The following DLC1 variants were observed in gnomAD, a reference collection of about 807,000 sequenced individuals.
The protein encoded by DLC1 is rho GTPase-activating protein 7.
Under a neutral mutation model 140.3 loss-of-function variants are expected in DLC1, and 54 were observed. The observed-to-expected ratio is 0.38, with a 90% CI of 0.31 to 0.48. DLC1 has a LOEUF of 0.48. Ranked by LOEUF, DLC1 falls within the 20% of genes least tolerant of loss-of-function variation. The pLI is 0.96. For synonymous variants in DLC1, 986 were observed against 728.1 expected, an observed-to-expected ratio of 1.35 and a Z score of -5.70; for missense variants, 2,536 against 1,907.0, an observed-to-expected ratio of 1.33 and a Z score of -6.14.
chr8:13,316,810 GCA>G (rs1435490366), intron 4 of DLC1, among the ~76,000 whole-genome samples: 1 of 152,150 alleles, frequency 6.6e-6, no homozygotes, highest in East Asian at 1.9e-4. Flanking sequence ...CCAACTGACT[GCA>G]GTATCCCTTG....
At chr8:13,502,293 C>G (rs761578232) in intron 1 of DLC1, among the ~76,000 whole-genome samples, 6 of 152,144 alleles carry the variant, frequency 3.9e-5, no homozygotes, top group Non-Finnish European at 7.4e-5. Flanking sequence ...ATTAACTCTT[C>G]TTGCTTTCAT....
rs142614877 is a variant in DLC1 at position 13,514,807 on chromosome 8, C to A, written c.-331G>T. ...GAGGGAGCCTTAGCTAAGGCAGGATCCTGTCAAGGCATTCCTAGTGACTTC... is the reference window on the plus strand; with the variant it reads ...GAGGGAGCCTTAGCTAAGGCAGGATACTGTCAAGGCATTCCTAGTGACTTC... On this transcript the variant is annotated 5_prime_UTR_variant, in exon 1 of 18. Coordinates refer to ENST00000276297, the MANE Select transcript of DLC1 (RefSeq NM_182643.3). 4.0e-4 allele frequency: 158 copies of A among 395,544 alleles called. No individual in the cohort carries two copies. The highest frequency in any genetic ancestry group is 3.0e-3 in the African/African-American group (146 of 48,702). 24.5% of individuals were successfully genotyped at this position (395,544 alleles called of 1,614,324 possible).
chr8:13,603,801 TC>T (rs1191828555), intron 1 of DLC1, among the ~76,000 whole-genome samples: 4 of 152,068 alleles, frequency 2.6e-5, no homozygotes, highest in African/African-American at 7.2e-5. Context: ...TTCAATTAAC[TC>T]CCAACCTCAA....
chr8:13,175,180 T>C (rs1389780858), intron 5 of DLC1, among the ~76,000 whole-genome samples: 1 of 152,082 alleles, frequency 6.6e-6, no homozygotes, highest in Non-Finnish European at 1.5e-5. Context: ...GGGTATGCAG[T>C]TTTATTTCTG....
At chr8:13,506,569 G>GTGTGTGTC (rs1554534327) in intron 1 of DLC1, among the ~76,000 whole-genome samples, 1 of 18,362 alleles carries the variant, frequency 5.4e-5, no homozygotes, top group Non-Finnish European at 3.9e-4. Flanking sequence ...ACACACACAT[G>GTGTGTGTC]TGTGTGTGTG....
At chr8:13,157,254 A>G (rs554231617) in intron 5 of DLC1, among the ~76,000 whole-genome samples, 1 of 152,354 alleles carries the variant, frequency 6.6e-6, no homozygotes, top group African/African-American at 2.4e-5. Flanking sequence ...AAGGACTCAA[A>G]TAATCTTTGA....
intron 5 of DLC1, among the ~76,000 whole-genome samples, chr8:13,258,193 G>A (rs1411097835): frequency 6.6e-6 from 1 of 152,080 alleles, no homozygotes; most frequent in South Asian, 2.1e-4. Context: ...CGTCACACTC[G>A]GAACTCTTCA....
At chr8:13,142,148 G>A (rs2128971454) in intron 5 of DLC1, among the ~76,000 whole-genome samples, 1 of 152,298 alleles carries the variant, frequency 6.6e-6, no homozygotes, top group East Asian at 1.9e-4. Context: ...TTCAGCTTCC[G>A]CCATGATTGT....
At chr8:13,226,475 C>G (rs1015165236) in intron 5 of DLC1, among the ~76,000 whole-genome samples, 1 of 152,184 alleles carries the variant, frequency 6.6e-6, no homozygotes, top group African/African-American at 2.4e-5. Flanking sequence ...ACTTAGAAAG[C>G]AGTTATCCTT....
intron 4 of DLC1, among the ~76,000 whole-genome samples, chr8:13,344,187 C>G (rs79633001): frequency 0.01 from 1,594 of 152,260 alleles, 27 homozygotes; most frequent in African/African-American, 0.036. Flanking sequence ...AGCTATAGTT[C>G]CTACCTTTAA....
At chr8:13,203,964 A>G (rs1459555577) in intron 5 of DLC1, among the ~76,000 whole-genome samples, 1 of 152,168 alleles carries the variant, frequency 6.6e-6, no homozygotes, top group Non-Finnish European at 1.5e-5. Context: ...CAAGCCATGC[A>G]CAGACTTCAT....
chr8:13,327,182 T>C (rs1304379469), intron 4 of DLC1, among the ~76,000 whole-genome samples: 9 of 138,058 alleles, frequency 6.5e-5, no homozygotes, highest in Non-Finnish European at 1.1e-4. Context: ...CCCATGTTAG[T>C]CAGGATGGTC....
At chr8:13,526,183 C>A (rs893264163) in intron 1 of DLC1, among the ~76,000 whole-genome samples, 18 of 152,094 alleles carry the variant, frequency 1.2e-4, no homozygotes, top group Admixed American at 2.0e-4. Flanking sequence ...ATTTTTCTAT[C>A]GCATACAATA....
At chr8:13,485,745 G>A (rs972505792) in intron 2 of DLC1, among the ~76,000 whole-genome samples, 9 of 152,132 alleles carry the variant, frequency 5.9e-5, no homozygotes, top group African/African-American at 2.2e-4. Flanking sequence ...CAATGGCCAG[G>A]CTTGAAGATT....
chr8:13,091,575 T>C (rs546915551), intron 13 of DLC1, 143 bp from the exon 14 acceptor site: 3 of 641,604 alleles, frequency 4.7e-6, no homozygotes, highest in Middle Eastern at 4.4e-4. Context: ...AGAGTGTTTT[T>C]ACTTTGGTCA....
chr8:13,136,740 G>T (rs183654348), intron 5 of DLC1, among the ~76,000 whole-genome samples: 35 of 152,254 alleles, frequency 2.3e-4, no homozygotes, highest in Non-Finnish European at 3.1e-4. Flanking sequence ...TTGCCATGTT[G>T]CTCAGGCTGC....
At chr8:13,170,692 T>TG (rs1825410838) in intron 5 of DLC1, among the ~76,000 whole-genome samples, 1 of 139,858 alleles carries the variant, frequency 7.2e-6, no homozygotes, top group South Asian at 2.2e-4. Context: ...ATCGCGCCAC[T>TG]GCACTCCAGC....
At chr8:13,409,708 G>T (rs2117290609) in intron 2 of DLC1, among the ~76,000 whole-genome samples, 1 of 152,124 alleles carries the variant, frequency 6.6e-6, no homozygotes, top group South Asian at 2.1e-4. Context: ...CCAATAGAGG[G>T]GTCTCTCAAA....
intron 5 of DLC1, among the ~76,000 whole-genome samples, chr8:13,303,411 T>G (rs529350804): frequency 6.6e-6 from 1 of 152,342 alleles, no homozygotes; most frequent in African/African-American, 2.4e-5. Flanking sequence ...ACAGTTGATT[T>G]CATTAAAAAA....
Sources: allele counts gnomAD v4.1 joint callset (sites outside exome capture counted in the v4.1 genomes callset), GRCh38; gene constraint gnomAD v4.1.1; transcripts MANE v1.5; gene names NCBI Gene and HGNC (gene_info 2026-07-23, HGNC 2026-07-21).